Variants in UBXN6 observed in about 807,000 individuals in gnomAD.
UBXN6 encodes the protein UBX domain protein 6, also known as UBX domain-containing protein 6.
A neutral mutation model predicts 51.4 loss-of-function variants in UBXN6; 44 were observed. The ratio of observed to expected loss-of-function variants is 0.86; its 90% CI spans 0.67 to 1.10. The LOEUF (loss-of-function observed/expected upper bound fraction) is 1.10. Ranked by LOEUF, UBXN6 falls within the 50% of genes least tolerant of loss-of-function variation. The pLI is 0.00. For missense variants in UBXN6, 672 were observed against 596.1 expected (o/e 1.13, Z -1.32); for synonymous variants, 316 against 263.2 (o/e 1.20, Z -1.94).
intron 1 of UBXN6, among the ~76,000 whole-genome samples, chr19:4,456,243 A>C (rs1974738094): frequency 7.0e-6 from 1 of 141,942 alleles, no homozygotes; most frequent in Non-Finnish European, 1.5e-5. Context: ...TGGTTGAATC[A>C]ATGAAGGGCT....
Position 4,448,434 on chromosome 19 carries a change from G to A in UBXN6, c.442-19C>T. On this transcript the variant is annotated intron_variant, in intron 4 of 10. Transcript: ENST00000301281. ...AGAAGTGCTGGGAGGAGGGAAGCAG[G>A]GAAAGCCACTCACTGAGAGCCCGGG... is the stretch of plus-strand genomic sequence containing the variant. The A allele has an allele frequency of 6.3e-7, 1 of 1,590,998 alleles. No homozygotes were observed. The highest frequency in any genetic ancestry group is 8.6e-7 in the Non-Finnish European group (1 of 1,168,954).
At chr19:4,447,803 C>A (rs1974569263) in intron 5 of UBXN6, 178 bp from the exon 6 acceptor site, 1 of 628,502 alleles carries the variant, frequency 1.6e-6, no homozygotes, top group South Asian at 1.8e-5. Context: ...ACCTCGGACA[C>A]CCCATGGAGC....
intron 9 of UBXN6, 39 bp downstream of exon 9, chr19:4,446,244 C>G: frequency 6.4e-7 from 1 of 1,570,850 alleles, no homozygotes; most frequent in Non-Finnish European, 8.6e-7. Flanking sequence ...GGCCCCCTAC[C>G]AACCCGAGCC....
chr19:4,446,926 G>A lies in UBXN6; in HGVS notation c.616-6C>T. ...TCCAGGCAGTTAATGCGCTCCTGGG[G>A]GTGGAGATGGGCGTCACTGGGGGCC... On this transcript the variant is annotated splice_polypyrimidine_tract_variant and splice_region_variant and intron_variant, in intron 6 of 10. Transcript: ENST00000301281. 6.2e-7 allele frequency: 1 copy of A among 1,613,532 alleles called. No homozygotes were observed. The highest frequency in any genetic ancestry group is 1.7e-5 in the Admixed American group (1 of 59,986).
chr19:4,445,305 C>G lies in UBXN6; in HGVS notation c.*193G>C. On this transcript the variant is annotated 3_prime_UTR_variant, in exon 11 of 11. Coordinates refer to ENST00000301281, the MANE Select transcript of UBXN6 (RefSeq NM_025241.3). ...CTCTCCCTCGGGGGCTTGGGCGCAT[C>G]CCCACAGCCCCCAAGGGATGGGGGC... The G allele has an allele frequency of 1.1e-6, 1 of 929,766 alleles. No individual in the cohort carries two copies. Among genetic ancestry groups the G allele is most frequent in the Non-Finnish European group, 1.6e-6 (1 of 621,712 alleles). 57.6% of individuals were successfully genotyped at this position (929,766 alleles called of 1,614,324 possible). A position where few individuals can be genotyped will look rare whatever the true frequency, so the allele number is the denominator to read the frequency against.
chr19:4,445,753 C>G (rs1332790330), intron 10 of UBXN6, 130 bp from the exon 11 acceptor site: 7 of 1,435,740 alleles, frequency 4.9e-6, no homozygotes, highest in Non-Finnish European at 6.5e-6. Flanking sequence ...GGCTGTGGCT[C>G]GCACCCAGGC....
chr19:4,452,377 T>C lies in UBXN6; in HGVS notation c.428A>G (p.Glu143Gly), dbSNP rs1001426596. 4 of 1,613,652 alleles carry C rather than the reference T, an allele frequency of 2.5e-6. No homozygotes were observed. The African/African-American group carries it at 4.0e-5, about 16-fold the overall frequency. ...GGTGCCACTCACCAAGAGAATGGCC[T>C]CCTTGATGCAGGCGTCCCGCTGGTC... ...RKDQRDACIK[E>G]AILLHFSTDP... Residue 143 changes from glutamate (E) to glycine (G), a missense_variant, in exon 4 of 11, where the codon GAG (glutamate) becomes GGG (glycine). By Grantham distance (98) the Glu-to-Gly change is moderately conservative (BLOSUM62 -2). Coordinates refer to ENST00000301281, the MANE Select transcript of UBXN6 (RefSeq NM_025241.3).
At chr19:4,452,299 G>A (rs189877336) in intron 4 of UBXN6, 65 bp downstream of exon 4, 77 of 1,586,496 alleles carry the variant, frequency 4.9e-5, no homozygotes, top group South Asian at 9.2e-5. Context: ...CTGGGCTTCC[G>A]ATGGAGGGTG....
rs1034443132 is a variant in UBXN6 at position 4,452,453 on chromosome 19, C to G, written c.352G>C (p.Val118Leu). The G allele has an allele frequency of 1.9e-6, 3 of 1,612,210 alleles. No homozygotes were observed. In the Admixed American group the frequency reaches 5.0e-5, roughly 27 times the overall value. The change falls in exon 4 of 11, where the codon GTG becomes CTG. Residue 118 changes from valine (V) to leucine (L), a missense_variant. Val to Leu is a conservative substitution (Grantham distance 32). Transcript: ENST00000301281. Reference protein sequence around the residue: ...PREEGSAHLAVPGVYFTCPLT... With the variant: ...PREEGSAHLALPGVYFTCPLT... ...GGACAGGTGAAGTACACGCCAGGCA[C>G]AGCCAGGTGGGCAGAGCCTTCCTCT...
Position 4,446,055 on chromosome 19 carries a change from G to C in UBXN6, c.1194C>G (p.Cys398Trp). ...SEDENLALNE[C>W]GLVPSALLTF... is the part of the protein sequence containing the mutation. ...CCTGCGGGCCGACACTCACCAGCCC[G>C]CACTCGTTCAAGGCCAGGTTCTCGT... The change falls in exon 10 of 11, where the codon TGC becomes TGG. Residue 398 changes from cysteine to tryptophan, a missense_variant. Coordinates refer to ENST00000301281, the MANE Select transcript of UBXN6 (RefSeq NM_025241.3). The C allele has an allele frequency of 6.2e-7, 1 of 1,611,066 alleles. No individual in the cohort carries two copies. Among genetic ancestry groups the C allele is most frequent in the Non-Finnish European group, 8.5e-7 (1 of 1,179,032 alleles).
rs945917219 is a variant in UBXN6, at chr19:4,452,728, G to T, written c.313-236C>A. On this transcript the variant is annotated intron_variant, in intron 3 of 10. Transcript: ENST00000301281. ...CTCAGAACTAAACGAGGTAAGGAAC[G>T]GAAAGTACGGAGCAGCTTCTGACAC... is the stretch of plus-strand genomic sequence containing the variant. 1.3e-5 allele frequency among the ~76,000 whole-genome samples: 2 copies of T among 152,170 alleles called. 1 individual carries two copies. The highest frequency in any genetic ancestry group is 4.8e-5 in the African/African-American group (2 of 41,446).
At chr19:4,455,841 G>A (rs764832523) in intron 1 of UBXN6, among the ~76,000 whole-genome samples, 1 of 152,062 alleles carries the variant, frequency 6.6e-6, no homozygotes, top group Non-Finnish European at 1.5e-5. Flanking sequence ...CTGTGTCCTG[G>A]GAGAGGCCTT....
At chr19:4,455,608 A>G (rs1019535183) in intron 1 of UBXN6, among the ~76,000 whole-genome samples, 4 of 152,014 alleles carry the variant, frequency 2.6e-5, no homozygotes, top group Admixed American at 6.6e-5. Context: ...TTGGCCAGAG[A>G]GCCCTTCCCA....
chr19:4,451,636 G>T (rs1041277308), intron 4 of UBXN6, among the ~76,000 whole-genome samples: 2 of 152,058 alleles, frequency 1.3e-5, no homozygotes, highest in African/African-American at 4.8e-5. Context: ...AAAAAATGCT[G>T]TGGACGTTTT....
chr19:4,454,457 C>A (rs781397696), intron 1 of UBXN6, among the ~76,000 whole-genome samples: 1 of 152,158 alleles, frequency 6.6e-6, no homozygotes, highest in Admixed American at 6.6e-5. Context: ...GGGTCTTGCT[C>A]TCTCACCAAG....
Position 4,446,851 on chromosome 19 carries a change from G to A in UBXN6, c.685C>T (p.Pro229Ser), listed in dbSNP as rs542143097. The change falls in exon 7 of 11, where the codon CCC becomes TCC. Residue 229 changes from proline (P) to serine (S), a missense_variant. By Grantham distance (74) the Pro-to-Ser change is moderately conservative (BLOSUM62 -1). Coordinates refer to ENST00000301281, the MANE Select transcript of UBXN6 (RefSeq NM_025241.3). ...GTCCACTTACCCTGATCCTGGGCGG[G>A]AAGCAACACCTTCTGGAACCCAATG... ...EAIGFQKVLL[P>S]AQDQEDPEEF... 6 of 1,614,052 alleles carry A rather than the reference G, an allele frequency of 3.7e-6. No individual in the cohort carries two copies. The South Asian group carries it at 5.5e-5, about 15-fold the overall frequency.
chr19:4,457,651 C>A lies in UBXN6; in HGVS notation c.47G>T (p.Ser16Ile). Residue 16 changes from serine to isoleucine, a missense_variant, in exon 1 of 11, where the codon AGC (serine) becomes ATC (isoleucine). Coordinates refer to ENST00000301281, the MANE Select transcript of UBXN6 (RefSeq NM_025241.3). Reference protein sequence around the residue: ...QEFKADIKFKSAGPGQKLKES... With the variant: ...QEFKADIKFKIAGPGQKLKES... ...TTTGAGCTTCTGACCGGGTCCCGCG[C>A]TCTTGAACTTGATGTCGGCCTTGAA... 6.2e-7 allele frequency: 1 copy of A among 1,603,520 alleles called. No homozygotes were observed. Among genetic ancestry groups the A allele is most frequent in the Non-Finnish European group, 8.5e-7 (1 of 1,176,114 alleles).
At position 4,446,858 on chromosome 19, in the gene UBXN6, C is replaced by A; in HGVS notation, c.678G>T (p.Val226=). Residue 226 remains valine (V), a synonymous_variant, in exon 7 of 11, where the codon GTG becomes GTT. Transcript: ENST00000301281. ...EFFEAIGFQK[V]LLPAQDQEDP... ...TACCCTGATCCTGGGCGGGAAGCAA[C>A]ACCTTCTGGAACCCAATGGCCTCAA... 2.5e-6 allele frequency: 4 copies of A among 1,614,080 alleles called. No homozygotes were observed. Among genetic ancestry groups the A allele is most frequent in the Non-Finnish European group, 3.4e-6 (4 of 1,180,032 alleles).
intron 3 of UBXN6, among the ~76,000 whole-genome samples, chr19:4,452,717 A>T (rs1298586974): frequency 6.6e-6 from 1 of 152,080 alleles, no homozygotes; most frequent in Non-Finnish European, 1.5e-5. Context: ...GAACTAAACG[A>T]GGTAAGGAAC....
Sources: gnomAD v4.1 joint callset for allele counts (sites outside exome capture counted in the v4.1 genomes callset) on GRCh38, gnomAD v4.1.1 for gene constraint, MANE v1.5 for transcripts, NCBI Gene and HGNC (gene_info 2026-07-23, HGNC 2026-07-21) for gene names.